Variants in EHMT1 observed in about 807,000 individuals in gnomAD.
EHMT1 encodes histone-lysine N-methyltransferase EHMT1.
A neutral mutation model predicts 147.2 loss-of-function variants in EHMT1; 15 were observed. That is an observed-to-expected ratio of 0.10 (90% CI 0.07 to 0.16). EHMT1 has a LOEUF of 0.16. Ranked by LOEUF, EHMT1 falls within the 10% of genes least tolerant of loss-of-function variation. The pLI is 1.00. For synonymous variants in EHMT1, 795 were observed against 709.6 expected (o/e 1.12, Z -1.91); for missense variants, 1,587 against 1,772.4 (o/e 0.90, Z 1.88).
rs542135916 is a variant in EHMT1, at chr9:137,824,941, G to A, written c.3540+6803G>A. Among the ~76,000 whole-genome samples, 15 of 152,242 alleles carry A rather than the reference G, an allele frequency of 9.9e-5. No individual in the cohort carries two copies. The South Asian group carries it at 2.7e-3, about 27-fold the overall frequency. ...AGTTTTTCTTCTCGCGTTCTGAGCCGTGCAGCTTTGTTTTCTGGAAGGTCG... is the reference window on the plus strand; with the variant it reads ...AGTTTTTCTTCTCGCGTTCTGAGCCATGCAGCTTTGTTTTCTGGAAGGTCG... On this transcript the variant is annotated intron_variant, in intron 25 of 26. Transcript: ENST00000460843.
rs1371986923 is a variant in EHMT1, at chr9:137,782,088, C to T, written c.2276-203C>T. The stretch of plus-strand genomic sequence containing the variant: ...GCCGAGTTAGTTCTGACAGAGGGAC[C>T]TGCCTGTTCAATTCCGCAGGAGACT... On this transcript the variant is annotated intron_variant, in intron 14 of 26. Coordinates refer to ENST00000460843, the MANE Select transcript of EHMT1 (RefSeq NM_024757.5). The surrounding 1 kb of genome is among the most constrained non-coding windows in gnomAD (Gnocchi z 5.7). Among the ~76,000 whole-genome samples the T allele has an allele frequency of 6.6e-6, 1 of 151,960 alleles. No individual in the cohort carries two copies. The highest frequency in any genetic ancestry group is 2.4e-5 in the African/African-American group (1 of 41,358).
intron 1 of EHMT1, among the ~76,000 whole-genome samples, chr9:137,633,629 G>A (rs1843768393): frequency 6.6e-6 from 1 of 151,698 alleles, no homozygotes; most frequent in African/African-American, 2.4e-5. Context: ...GGTATGTCTG[G>A]AGTGGTCCAA....
At chr9:137,638,594 T>C (rs917560256) in intron 1 of EHMT1, among the ~76,000 whole-genome samples, 4 of 152,220 alleles carry the variant, frequency 2.6e-5, no homozygotes, top group Non-Finnish European at 5.9e-5. Context: ...TAGAATAAAT[T>C]GCATTCCCCT....
Position 137,834,344 on chromosome 9 carries a change from T to C in EHMT1, c.3541-5T>C, listed in dbSNP as rs1295623247. On this transcript the variant is annotated splice_polypyrimidine_tract_variant and splice_region_variant and intron_variant, in intron 25 of 26. Coordinates refer to ENST00000460843, the MANE Select transcript of EHMT1 (RefSeq NM_024757.5). Reference sequence around the variant, plus strand: ...TGCAGCCCGTGCCGGCTTCTCGCCCTGCAGGACGGGGAGGTTTACTGCATC... The same window carrying C: ...TGCAGCCCGTGCCGGCTTCTCGCCCCGCAGGACGGGGAGGTTTACTGCATC... The C allele has an allele frequency of 6.2e-7, 1 of 1,612,170 alleles. No individual in the cohort carries two copies.
At chr9:137,736,227 A>T (rs1304727824) in intron 4 of EHMT1, among the ~76,000 whole-genome samples, 1 of 152,246 alleles carries the variant, frequency 6.6e-6, no homozygotes, top group Non-Finnish European at 1.5e-5. Context: ...AAGAAGGACA[A>T]TATATAGTAA....
At chr9:137,758,893 C>T (rs912320558) in intron 9 of EHMT1, among the ~76,000 whole-genome samples, 9 of 151,988 alleles carry the variant, frequency 5.9e-5, no homozygotes, top group Admixed American at 1.3e-4. Context: ...TTTGGGAGGC[C>T]GAGGTGGGCA....
intron 8 of EHMT1, among the ~76,000 whole-genome samples, chr9:137,756,534 T>C (rs1006070438): frequency 1.3e-5 from 2 of 152,190 alleles, no homozygotes; most frequent in South Asian, 4.1e-4. Flanking sequence ...CCATGGAGGC[T>C]CCTGGCGTTT....
intron 1 of EHMT1, among the ~76,000 whole-genome samples, chr9:137,695,937 T>G (rs1943362717): frequency 6.6e-6 from 1 of 152,208 alleles, no homozygotes; most frequent in African/African-American, 2.4e-5. Flanking sequence ...CCGAAAGAAC[T>G]GGACAAAGGC....
intron 3 of EHMT1, among the ~76,000 whole-genome samples, chr9:137,719,766 C>G (rs1945746658): frequency 6.6e-6 from 1 of 152,190 alleles, no homozygotes. Flanking sequence ...GCAGGGTGTT[C>G]TGTGCAGTTT....
intron 1 of EHMT1, among the ~76,000 whole-genome samples, chr9:137,652,415 C>G (rs940250340): frequency 4.0e-5 from 6 of 150,748 alleles, no homozygotes; most frequent in Admixed American, 2.6e-4. Flanking sequence ...GAGACGGAGT[C>G]TCACTCTGTC....
At chr9:137,630,146 A>G (rs750349945) in intron 1 of EHMT1, among the ~76,000 whole-genome samples, 50 of 152,200 alleles carry the variant, frequency 3.3e-4, no homozygotes, top group Non-Finnish European at 8.8e-5. Context: ...TCTAGTTGTA[A>G]TAGGCTGGTT....
chr9:137,728,219 C>G (rs1254005024), intron 3 of EHMT1, 130 bp from the exon 4 acceptor site: 1 of 1,342,060 alleles, frequency 7.5e-7, no homozygotes, highest in East Asian at 2.3e-5. Flanking sequence ...AGACTTTCTC[C>G]TCTCTCCATT....
intron 25 of EHMT1, among the ~76,000 whole-genome samples, chr9:137,821,003 G>A (rs1413482105): frequency 2.6e-5 from 4 of 152,152 alleles, no homozygotes; most frequent in Admixed American, 6.5e-5. Flanking sequence ...TCAGCCTCCC[G>A]AGTAGCTGGG....
chr9:137,827,097 T>C (rs1032403632), intron 25 of EHMT1, among the ~76,000 whole-genome samples: 14 of 152,192 alleles, frequency 9.2e-5, no homozygotes, highest in African/African-American at 2.9e-4. Flanking sequence ...TTCCTTCTCC[T>C]GTCTGGAGCC....
chr9:137,802,729 C>A, intron 18 of EHMT1: 1 of 1,032,304 alleles, frequency 9.7e-7, no homozygotes, highest in Non-Finnish European at 1.2e-6. Flanking sequence ...TCCCTGCAGG[C>A]ACGCAGGCCT....
chr9:137,789,606 C>T (rs962346418), intron 15 of EHMT1, among the ~76,000 whole-genome samples: 3 of 152,240 alleles, frequency 2.0e-5, no homozygotes, highest in African/African-American at 4.8e-5. Flanking sequence ...CGCCTCCAGG[C>T]CTCAGCCTTC....
chr9:137,705,286 C>A (rs912655351), intron 1 of EHMT1, among the ~76,000 whole-genome samples: 3 of 152,202 alleles, frequency 2.0e-5, no homozygotes, highest in African/African-American at 4.8e-5. Flanking sequence ...AGCCACTACA[C>A]CGGCCTGGGA....
intron 1 of EHMT1, among the ~76,000 whole-genome samples, chr9:137,670,728 G>A (rs1167204972): frequency 6.6e-6 from 1 of 152,154 alleles, no homozygotes; most frequent in African/African-American, 2.4e-5. Context: ...AGTTCCTACG[G>A]GCCTGTCTGC....
At chr9:137,746,798 A>C (rs1359390438) in intron 6 of EHMT1, 1 of 152,188 alleles carries the variant, frequency 6.6e-6, no homozygotes, top group Admixed American at 6.5e-5. Flanking sequence ...ATCATGTACC[A>C]TATGGGATAT....
Sources: gnomAD v4.1 joint callset for allele counts (sites outside exome capture counted in the v4.1 genomes callset) on GRCh38, gnomAD v4.1.1 for gene constraint, Gnocchi (gnomAD v3.1) non-coding constraint, MANE v1.5 for transcripts, NCBI Gene and HGNC (gene_info 2026-07-23, HGNC 2026-07-21) for gene names.